Variants in ANO10 observed in about 807,000 individuals in gnomAD.
ANO10 encodes anoctamin-10.
A neutral mutation model predicts 74.7 loss-of-function variants in ANO10; 77 were observed. The observed-to-expected ratio is 1.03, with a 90% CI of 0.86 to 1.25. The LOEUF (loss-of-function observed/expected upper bound fraction) is 1.25, where lower values mean the gene tolerates loss of function less well. ANO10 is among the 50% of genes most tolerant of loss of function. ANO10 has a pLI of 0.00. For synonymous variants in ANO10, 279 were observed against 284.9 expected (o/e 0.98, Z 0.21); for missense variants, 721 against 778.1 (o/e 0.93, Z 0.87).
At chr3:43,510,391 A>AT (rs960592113) in intron 11 of ANO10, among the ~76,000 whole-genome samples, 5 of 147,832 alleles carry the variant, frequency 3.4e-5, no homozygotes, top group Admixed American at 2.8e-4. Context: ...AGATTGTGCC[A>AT]TTGCACTCCA....
chr3:43,666,326 T>C (rs2083991585), intron 1 of ANO10, among the ~76,000 whole-genome samples: 2 of 152,086 alleles, frequency 1.3e-5, no homozygotes, highest in Admixed American at 1.3e-4. Flanking sequence ...TTACATGGAG[T>C]ATGAATTATC....
chr3:43,655,268 T>C (rs1336170230), intron 1 of ANO10, among the ~76,000 whole-genome samples: 1 of 152,118 alleles, frequency 6.6e-6, no homozygotes, highest in African/African-American at 2.4e-5. Context: ...GTGTTACAGC[T>C]CTTAAGGTGG....
At chr3:43,622,347 A>G (rs2149553432), upstream of ANO10, among the ~76,000 whole-genome samples, 1 of 152,272 alleles carries the variant, frequency 6.6e-6, no homozygotes, top group Admixed American at 6.5e-5. Flanking sequence ...GAGAAGGCAG[A>G]GGCCTGGTTG....
chr3:43,388,706 T>G (rs2092195814), intron 12 of ANO10, among the ~76,000 whole-genome samples: 1 of 152,194 alleles, frequency 6.6e-6, no homozygotes, highest in South Asian at 2.1e-4. Context: ...TTAGATATGT[T>G]ACTGAAAAAA....
intron 1 of ANO10, among the ~76,000 whole-genome samples, chr3:43,684,350 T>C (rs539493249): frequency 7.2e-5 from 11 of 152,228 alleles, no homozygotes; most frequent in Non-Finnish European, 1.3e-4. Flanking sequence ...TCACTGGTTA[T>C]CAGAGAAATG....
intron 4 of ANO10, among the ~76,000 whole-genome samples, chr3:43,582,975 T>C (rs2081328166): frequency 6.6e-6 from 1 of 152,220 alleles, no homozygotes; most frequent in Non-Finnish European, 1.5e-5. Flanking sequence ...CTCTTGTAAA[T>C]TACTACATCA....
intron 1 of ANO10, among the ~76,000 whole-genome samples, chr3:43,639,358 C>T (rs1171658491): frequency 6.6e-6 from 1 of 152,180 alleles, no homozygotes; most frequent in African/African-American, 2.4e-5. Flanking sequence ...TAGAGGGCTC[C>T]CGTCCACACC....
At chr3:43,690,958 T>A in intron 1 of ANO10, 1 of 1,554,594 alleles carries the variant, frequency 6.4e-7, no homozygotes, top group Non-Finnish European at 8.7e-7. Context: ...TCAGCCGGCT[T>A]CGAGATAAGT....
chr3:43,496,150 G>C (rs1430896279), intron 11 of ANO10, among the ~76,000 whole-genome samples: 1 of 152,066 alleles, frequency 6.6e-6, no homozygotes, highest in Non-Finnish European at 1.5e-5. Flanking sequence ...CTGCTTTCAG[G>C]AATATATACT....
intron 1 of ANO10, among the ~76,000 whole-genome samples, chr3:43,618,409 T>C (rs1165631121): frequency 6.6e-6 from 1 of 152,194 alleles, no homozygotes; most frequent in Non-Finnish European, 1.5e-5. Flanking sequence ...CACTCATGCC[T>C]CCATCTACTC....
chr3:43,685,784 G>A (rs1050163955), intron 1 of ANO10, among the ~76,000 whole-genome samples: 1 of 152,324 alleles, frequency 6.6e-6, no homozygotes, highest in Admixed American at 6.5e-5. Flanking sequence ...TTTCTCCTCT[G>A]AAAAGGCTTT....
At chr3:43,473,892 G>C (rs750446732) in intron 11 of ANO10, among the ~76,000 whole-genome samples, 7 of 152,204 alleles carry the variant, frequency 4.6e-5, no homozygotes, top group Admixed American at 1.3e-4. Flanking sequence ...TCTGGAGTCA[G>C]TGACAGAGGC....
At chr3:43,541,235 G>A (rs1231602817) in intron 11 of ANO10, among the ~76,000 whole-genome samples, 2 of 152,160 alleles carry the variant, frequency 1.3e-5, no homozygotes, top group Non-Finnish European at 2.9e-5. Context: ...CTTTCAATTA[G>A]GTGAAGAGAC....
chr3:43,476,893 C>T (rs539070875), intron 11 of ANO10, among the ~76,000 whole-genome samples: 61 of 152,192 alleles, frequency 4.0e-4, no homozygotes, highest in Non-Finnish European at 7.2e-4. Flanking sequence ...AGCAATTTGC[C>T]GATCAATAAG....
intron 12 of ANO10, among the ~76,000 whole-genome samples, chr3:43,407,867 CACGTGGGGCTTT>C (rs1179371065): frequency 9.2e-5 from 14 of 152,294 alleles, no homozygotes; most frequent in African/African-American, 3.4e-4. Context: ...GGCCAGAGCC[CACGTGGGGCTTT>C]GCAGGGGGAT....
intron 1 of ANO10, among the ~76,000 whole-genome samples, chr3:43,608,920 G>A (rs78413990): frequency 0.024 from 3,601 of 152,154 alleles, 147 homozygotes; most frequent in African/African-American, 0.081. Flanking sequence ...AAATGATCTG[G>A]CATCTGGAAC....
At chr3:43,681,460 A>T (rs2084197972) in intron 1 of ANO10, among the ~76,000 whole-genome samples, 1 of 142,674 alleles carries the variant, frequency 7.0e-6, no homozygotes, top group Non-Finnish European at 1.5e-5. Flanking sequence ...AGAGACTTAG[A>T]CTCCCACACA....
intron 11 of ANO10, among the ~76,000 whole-genome samples, chr3:43,508,792 T>G: frequency 6.9e-6 from 1 of 144,346 alleles, no homozygotes; most frequent in Non-Finnish European, 1.5e-5. Flanking sequence ...CGGGGCCTGT[T>G]GTGGGGTAGG....
intron 11 of ANO10, among the ~76,000 whole-genome samples, chr3:43,490,277 G>T (rs527886687): frequency 6.6e-6 from 1 of 152,142 alleles, no homozygotes; most frequent in Non-Finnish European, 1.5e-5. Flanking sequence ...TGGTGTGTGT[G>T]TTCCTCTCCT....
Sources: allele counts gnomAD v4.1 joint callset (sites outside exome capture counted in the v4.1 genomes callset), GRCh38; gene constraint gnomAD v4.1.1; transcripts MANE v1.5; gene names NCBI Gene and HGNC (gene_info 2026-07-23, HGNC 2026-07-21).